USP6: variants seen among roughly 807,000 people sequenced by gnomAD.
USP6 encodes ubiquitin specific peptidase 6, also known as ubiquitin carboxyl-terminal hydrolase 6.
A neutral mutation model predicts 175.7 loss-of-function variants in USP6; 128 were observed. That is an observed-to-expected ratio of 0.73 (90% CI 0.63 to 0.84). USP6 has a LOEUF of 0.84. Among genes scored for constraint, USP6 ranks in the 40% least tolerant of loss-of-function variants. The pLI, the probability that USP6 is intolerant of heterozygous loss-of-function variation, is 0.00. For synonymous variants in USP6, 562 were observed against 630.6 expected, an observed-to-expected ratio of 0.89 and a Z score of 1.63; for missense variants, 1,498 against 1,760.3, an observed-to-expected ratio of 0.85 and a Z score of 2.67.
At position 5,173,657 on chromosome 17, in the gene USP6, G is replaced by C. The variant is rs1198119750; in HGVS notation, c.*679G>C. On this transcript the variant is annotated 3_prime_UTR_variant, in exon 38 of 38. Coordinates refer to ENST00000574788, the MANE Select transcript of USP6 (RefSeq NM_001304284.2). ...GAGCTATGTGCCTTCCAACCAGAGGGAGACCCAGTAGAAAGAAAAACATCC... is the reference window on the plus strand; with the variant it reads ...GAGCTATGTGCCTTCCAACCAGAGGCAGACCCAGTAGAAAGAAAAACATCC... 1 of 218,778 alleles carries C rather than the reference G, an allele frequency of 4.6e-6. No homozygotes were observed. Among genetic ancestry groups the C allele is most frequent in the Non-Finnish European group, 9.2e-6 (1 of 108,754 alleles). 13.6% of individuals were successfully genotyped at this position (218,778 alleles called of 1,614,324 possible).
chr17:5,143,610 A>G (rs2073519080), intron 25 of USP6, among the ~76,000 whole-genome samples: 1 of 151,996 alleles, frequency 6.6e-6, no homozygotes, highest in Admixed American at 6.6e-5. Flanking sequence ...CAGGGACACA[A>G]ACACTGCGGA....
intron 6 of USP6, chr17:5,126,913 C>G (rs1031056190): frequency 6.6e-6 from 1 of 152,426 alleles, no homozygotes; most frequent in African/African-American, 2.4e-5. Context: ...GAAGCAGAAA[C>G]TGCAGGACAA....
intron 22 of USP6, among the ~76,000 whole-genome samples, chr17:5,141,223 T>A (rs1281799482): frequency 6.6e-6 from 1 of 152,178 alleles, no homozygotes; most frequent in Non-Finnish European, 1.5e-5. Flanking sequence ...CACTCCGTGA[T>A]GTTCATACAA....
In USP6 at chr17:5,139,404, C is replaced by T. The variant is rs2073372043; in HGVS notation, c.1228C>T (p.Arg410Cys). 8.1e-6 allele frequency: 13 copies of T among 1,613,346 alleles called. No individual in the cohort carries two copies. The highest frequency in any genetic ancestry group is 9.3e-6 in the Non-Finnish European group (11 of 1,180,032). The change falls in exon 22 of 38, where the codon CGT becomes TGT. Residue 410 changes from arginine to cysteine, a missense_variant. Arg to Cys is a radical substitution (Grantham distance 180, BLOSUM62 -3). Around this residue, in one of 2 missense-constraint regions of USP6, gnomAD observed 1,217 missense variants for 1,500.8 expected, o/e 0.81. Coordinates refer to ENST00000574788, the MANE Select transcript of USP6 (RefSeq NM_001304284.2). ...ICSASPPWAS[R>C]FSTPCPGGAV... ...CTCAGCTTCCCCGCCATGGGCATCTCGTTTTTCCACGCCCTGTCCTGGTGG... is the reference window on the plus strand; with the variant it reads ...CTCAGCTTCCCCGCCATGGGCATCTTGTTTTTCCACGCCCTGTCCTGGTGG...
chr17:5,123,171 A>T (rs1212601154), intron 4 of USP6: 1 of 130,076 alleles, frequency 7.7e-6, no homozygotes, highest in Admixed American at 7.9e-5. Context: ...CGGGGGCGTC[A>T]TGGGGCAGGT....
At chr17:5,171,710 A>G (rs1434549448) in intron 37 of USP6, 31 bp downstream of exon 37, 14 of 1,605,712 alleles carry the variant, frequency 8.7e-6, no homozygotes, top group African/African-American at 1.3e-5. Context: ...AATGAAAGTT[A>G]GAATATCAAC....
Position 5,143,808 on chromosome 17 carries a change from C to A in USP6, c.1819-882C>A, listed in dbSNP as rs191842873. Among the ~76,000 whole-genome samples the A allele has an allele frequency of 4.0e-3, 615 of 152,018 alleles. 3 individuals carry two copies. The highest frequency in any genetic ancestry group is 0.014 in the African/African-American group (594 of 41,454). On this transcript the variant is annotated intron_variant, in intron 25 of 37. Coordinates refer to ENST00000574788, the MANE Select transcript of USP6 (RefSeq NM_001304284.2). Reference sequence around the variant, plus strand: ...GTGGTTAGTGGTGCATGCTTGTAATCCCAGCTACTTGGGAGGCTGAGGCAC... The same window carrying A: ...GTGGTTAGTGGTGCATGCTTGTAATACCAGCTACTTGGGAGGCTGAGGCAC...
intron 25 of USP6, among the ~76,000 whole-genome samples, chr17:5,144,233 A>G (rs1407130206): frequency 1.3e-5 from 2 of 151,984 alleles, no homozygotes; most frequent in African/African-American, 4.8e-5. Flanking sequence ...TATATAAAAT[A>G]ATATATACAC....
chr17:5,141,850 T>C (rs576647538), intron 23 of USP6, among the ~76,000 whole-genome samples, 153 bp from the exon 24 acceptor site: 1 of 152,348 alleles, frequency 6.6e-6, no homozygotes, highest in East Asian at 1.9e-4. Flanking sequence ...ATGAAAAGCC[T>C]TCTCTAGCAT....
At position 5,141,516 on chromosome 17, in the gene USP6, A is replaced by AT. The variant is rs1223952814; in HGVS notation, c.1573+23dup. The AT allele has an allele frequency of 1.3e-6, 2 of 1,561,926 alleles. No individual in the cohort carries two copies. Among genetic ancestry groups the AT allele is most frequent in the Admixed American group, 1.9e-5 (1 of 51,780 alleles). On this transcript the variant is annotated intron_variant, in intron 23 of 37. Transcript: ENST00000574788. ...GACAAAAGGGTAAGTCTCCAGTATT[A>AT]TTTTTTAAAGAGATTATTTTAAATG...
intron 17 of USP6, among the ~76,000 whole-genome samples, chr17:5,136,414 C>A (rs1270939113): frequency 6.6e-6 from 1 of 152,228 alleles, no homozygotes; most frequent in Non-Finnish European, 1.5e-5. Flanking sequence ...TCAGGCTTGC[C>A]CTTTTGCACC....
Position 5,132,850 on chromosome 17 carries a change from C to T in USP6, c.196-60C>T. The T allele has an allele frequency of 6.3e-7, 1 of 1,585,732 alleles. No homozygotes were observed. The highest frequency in any genetic ancestry group is 8.7e-7 in the Non-Finnish European group (1 of 1,154,374). On this transcript the variant is annotated intron_variant, in intron 12 of 37. Coordinates refer to ENST00000574788, the MANE Select transcript of USP6 (RefSeq NM_001304284.2). This position sits in a 1 kb window ranked among gnomAD's most constrained non-coding sequence, Gnocchi z 4.7. ...GGCTCCAGAGCCCAAGACTCAGCAT[C>T]CATGGGCGGCTCTGGGAAGCCTGGC... is the stretch of plus-strand genomic sequence containing the variant.
intron 5 of USP6, among the ~76,000 whole-genome samples, 169 bp from the exon 6 acceptor site, chr17:5,125,652 A>G (rs1374204685): frequency 1.0e-5 from 1 of 96,586 alleles, no homozygotes; most frequent in Non-Finnish European, 2.5e-5. Context: ...CCCTTGCAAC[A>G]CACAAACACG....
intron 1 of USP6, 132 bp from the exon 2 acceptor site, chr17:5,118,068 C>CA (rs57176092): frequency 0.096 from 10,423 of 108,928 alleles, 423 homozygotes; most frequent in East Asian, 0.21. Context: ...GACTCCGTCT[C>CA]AAAAAAAAAA....
chr17:5,145,764 G>C (rs910960411), intron 27 of USP6, among the ~76,000 whole-genome samples, 185 bp downstream of exon 27: 5 of 151,960 alleles, frequency 3.3e-5, no homozygotes, highest in African/African-American at 1.2e-4. Flanking sequence ...ATGTTTTTTT[G>C]GTTTCAAATA....
intron 15 of USP6, chr17:5,134,476 C>T (rs1397144287): frequency 2.0e-5 from 4 of 199,796 alleles, no homozygotes; most frequent in Non-Finnish European, 4.1e-5. Context: ...TTGAACCACA[C>T]ATCCCCATGG....
At chr17:5,151,430 CATGTGTGTGT>C (rs939874987) in intron 30 of USP6, among the ~76,000 whole-genome samples, 1 of 96,776 alleles carries the variant, frequency 1.0e-5, no homozygotes. Flanking sequence ...GCAAAGTCTG[CATGTGTGTGT>C]GTGTGTGTGT....
chr17:5,121,407 C>T lies in USP6; in HGVS notation c.-1642C>T. 1 of 329,548 alleles carries T rather than the reference C, an allele frequency of 3.0e-6. No homozygotes were observed. The highest frequency in any genetic ancestry group is 5.9e-6 in the Non-Finnish European group (1 of 169,738). The allele number at this position is 329,548 out of a possible 1,614,324, so 20.4% of individuals were successfully genotyped here. A position where few individuals can be genotyped will look rare whatever the true frequency, so the allele number is the denominator to read the frequency against. The stretch of plus-strand genomic sequence containing the variant: ...GGCTGAACTGCGAGGTGGCCACCAA[C>T]ACAGAGGCCCTGCAGAGCGGCAGGA... On this transcript the variant is annotated 5_prime_UTR_variant, in exon 4 of 38. Transcript: ENST00000574788.
rs373656626 is a variant in USP6, at chr17:5,170,515, G to A, written c.3554G>A (p.Cys1185Tyr). The A allele has an allele frequency of 1.9e-6, 3 of 1,611,190 alleles. No individual in the cohort carries two copies. The African/African-American group carries it at 4.0e-5, about 22-fold the overall frequency. Residue 1185 changes from cysteine to tyrosine, a missense_variant, in exon 36 of 38, where the codon TGT becomes TAT. Coordinates refer to ENST00000574788, the MANE Select transcript of USP6 (RefSeq NM_001304284.2). ...TCATCAAGAAAAAGTGGAACCAGCT[G>A]TCCCTCCAGCAAAAACAGCAGCCCT... is the stretch of plus-strand genomic sequence containing the variant. Reference protein sequence around the residue: ...PSSSRKSGTSCPSSKNSSPNS... With the variant: ...PSSSRKSGTSYPSSKNSSPNS...
Sources: gnomAD v4.1 joint callset for allele counts (sites outside exome capture counted in the v4.1 genomes callset) on GRCh38, gnomAD v4.1.1 for gene constraint, gnomAD v4.1.1 regional missense constraint, Gnocchi (gnomAD v3.1) non-coding constraint, MANE v1.5 for transcripts, NCBI Gene and HGNC (gene_info 2026-07-23, HGNC 2026-07-21) for gene names.